The following OTOF variants were observed in gnomAD, a reference collection of about 807,000 sequenced individuals.
OTOF encodes fer-1-like family member 2.
Under a neutral mutation model 236.8 loss-of-function variants are expected in OTOF, and 218 were observed. The ratio of observed to expected loss-of-function variants is 0.92; its 90% CI spans 0.82 to 1.03. The LOEUF is 1.03. Ranked by LOEUF, OTOF falls within the 50% of genes least tolerant of loss-of-function variation. The pLI, the probability that OTOF is intolerant of heterozygous loss-of-function variation, is 0.00. For missense variants in OTOF, 2,590 were observed against 2,694.4 expected (o/e 0.96, Z 0.86); for synonymous variants, 1,041 against 1,072.5 (o/e 0.97, Z 0.57).
At chr2:26,472,110 T>C (rs960661730) in intron 30 of OTOF, among the ~76,000 whole-genome samples, 1 of 149,724 alleles carries the variant, frequency 6.7e-6, no homozygotes, top group African/African-American at 2.5e-5. Context: ...TGCATGCACA[T>C]GTGCACACCA....
At chr2:26,490,075 C>T (rs957774648) in intron 9 of OTOF, among the ~76,000 whole-genome samples, 1 of 152,210 alleles carries the variant, frequency 6.6e-6, no homozygotes, top group Admixed American at 6.5e-5. Context: ...TTCTAGTCCC[C>T]GCTCTGCACC....
intron 14 of OTOF, 77 bp from the exon 15 acceptor site, chr2:26,481,086 T>A (rs1665530221): frequency 9.7e-7 from 1 of 1,028,662 alleles, no homozygotes; most frequent in African/African-American, 1.6e-5. Context: ...CTTTTGGGGG[T>A]CCCTGGCCTC....
chr2:26,515,028 G>GA (rs917218976), intron 5 of OTOF, among the ~76,000 whole-genome samples: 4 of 152,340 alleles, frequency 2.6e-5, no homozygotes, highest in Admixed American at 6.5e-5. Flanking sequence ...TGTGCTACAA[G>GA]AAACCTGTTT....
rs1056216385 is a variant in OTOF at position 26,472,542 on chromosome 2, C to A, written c.3841G>T (p.Glu1281Ter). The A allele has an allele frequency of 1.2e-6, 2 of 1,613,584 alleles. No individual in the cohort carries two copies. The highest frequency in any genetic ancestry group is 1.7e-6 in the Non-Finnish European group (2 of 1,180,042). Residue 1281 changes from glutamate (E) to a stop codon, truncating the protein, a stop_gained, in exon 30 of 47, where the codon GAG (glutamate) becomes TAG (stop). Transcript: ENST00000272371. LOFTEE classifies it high-confidence loss of function. ...ACCGCGTCCAGCTTCACCATGGTCT[C>A]CAGTTTCTTGATGGGTACCTCTGGC... is the stretch of plus-strand genomic sequence containing the variant. Reference protein sequence around the residue: ...MEPEVPIKKLETMVKLDATSE... With the variant: ...MEPEVPIKKL
intron 1 of OTOF, among the ~76,000 whole-genome samples, chr2:26,543,789 T>G (rs1302230352): frequency 1.3e-5 from 2 of 152,248 alleles, no homozygotes; most frequent in Non-Finnish European, 2.9e-5. Flanking sequence ...TAATCTCCGC[T>G]CACTGCAACC....
At chr2:26,496,382 A>G (rs1171731102) in intron 8 of OTOF, among the ~76,000 whole-genome samples, 1 of 151,276 alleles carries the variant, frequency 6.6e-6, no homozygotes. Context: ...TTACAAGCAT[A>G]TGCCACCCCG....
chr2:26,466,842 A>C lies in OTOF; in HGVS notation c.4372T>G (p.Cys1458Gly). Residue 1458 changes from cysteine to glycine, a missense_variant, in exon 36 of 47, where the codon TGC becomes GGC. This residue lies in a region of OTOF where 1,211 missense variants were observed against 1,352.8 expected (regional missense o/e 0.90). Coordinates refer to ENST00000272371, the MANE Select transcript of OTOF (RefSeq NM_194248.3). ...RIVGRFKGSL[C>G]VYKVPLPEDV... ...TCTGGGAGTGGCACTTTGTACACGCAGAGGGAGCCCTGGGCAAGACAAATG... is the reference window on the plus strand; with the variant it reads ...TCTGGGAGTGGCACTTTGTACACGCCGAGGGAGCCCTGGGCAAGACAAATG... 1 of 1,614,182 alleles carries C rather than the reference A, an allele frequency of 6.2e-7. No individual in the cohort carries two copies. The highest frequency in any genetic ancestry group is 8.5e-7 in the Non-Finnish European group (1 of 1,180,026).
chr2:26,494,277 G>C (rs1177500717), intron 9 of OTOF, among the ~76,000 whole-genome samples: 1 of 152,254 alleles, frequency 6.6e-6, no homozygotes, highest in Non-Finnish European at 1.5e-5. Context: ...TGGCTGGAAA[G>C]AATAGGAGTG....
At chr2:26,467,901 A>G (rs937351775) in intron 33 of OTOF, among the ~76,000 whole-genome samples, 2 of 152,234 alleles carry the variant, frequency 1.3e-5, no homozygotes, top group Non-Finnish European at 2.9e-5. Context: ...TGCTGCTGGC[A>G]TGCTTTAGAA....
chr2:26,501,809 C>T lies in OTOF; in HGVS notation c.711-1G>A. ...CTCCATCTTAATGTCTGGCTTAGAT[C>T]TGAGGAAGAGAATGTACCATCAGGC... On this transcript the variant is annotated splice_acceptor_variant, in intron 7 of 46. Coordinates refer to ENST00000272371, the MANE Select transcript of OTOF (RefSeq NM_194248.3). LOFTEE classifies it high-confidence loss of function. 6.2e-7 allele frequency: 1 copy of T among 1,612,958 alleles called. No homozygotes were observed. Among genetic ancestry groups the T allele is most frequent in the Non-Finnish European group, 8.5e-7 (1 of 1,178,958 alleles).
At chr2:26,555,778 A>G (rs926870982) in intron 1 of OTOF, among the ~76,000 whole-genome samples, 1 of 152,108 alleles carries the variant, frequency 6.6e-6, no homozygotes, top group Non-Finnish European at 1.5e-5. Flanking sequence ...GTCTGGAGAG[A>G]AGATACCTCA....
Position 26,558,367 on chromosome 2 carries a change from G to A in OTOF, c.79+126C>T, listed in dbSNP as rs533444240. ...ATGACTACCTGTGAAAAGGCTCGTC[G>A]CCCCAGCCCCTGCTAGAACTTTTCC... is the stretch of plus-strand genomic sequence containing the variant. On this transcript the variant is annotated intron_variant, in intron 1 of 46. Coordinates refer to ENST00000272371, the MANE Select transcript of OTOF (RefSeq NM_194248.3). 1.8e-4 allele frequency: 146 copies of A among 814,830 alleles called. No individual in the cohort carries two copies. The South Asian group carries it at 1.9e-3, about 11-fold the overall frequency. 50.5% of individuals were successfully genotyped at this position (814,830 alleles called of 1,614,324 possible). A position where few individuals can be genotyped will look rare whatever the true frequency, so the allele number is the denominator to read the frequency against.
chr2:26,475,840 G>C (rs1488381508), intron 24 of OTOF, 74 bp downstream of exon 24: 2 of 1,533,774 alleles, frequency 1.3e-6, no homozygotes, highest in Non-Finnish European at 8.8e-7. Flanking sequence ...GGCCCCACAG[G>C]CTCCAGTCCC....
At chr2:26,466,103 G>A in intron 36 of OTOF, 27 bp from the exon 37 acceptor site, 1 of 1,614,000 alleles carries the variant, frequency 6.2e-7, no homozygotes, top group Non-Finnish European at 8.5e-7. Flanking sequence ...GGCTGCCTGA[G>A]CAGGCTCCCA....
At chr2:26,465,085 A>C in intron 38 of OTOF, 56 bp from the exon 39 acceptor site, 1 of 1,395,944 alleles carries the variant, frequency 7.2e-7, no homozygotes, top group Non-Finnish European at 9.5e-7. Flanking sequence ...GCCATCCTGG[A>C]TGACAGCTGG....
chr2:26,542,442 C>T (rs10166013), intron 1 of OTOF, among the ~76,000 whole-genome samples: 152,059 of 152,308 alleles, frequency 1, 75,906 homozygotes, highest in Middle Eastern at 1. Context: ...GCCGATGATA[C>T]AAGGCAGAAT....
chr2:26,473,289 G>A lies in OTOF; in HGVS notation c.3576C>T (p.Leu1192=), dbSNP rs1215615273. 6.2e-7 allele frequency: 1 copy of A among 1,613,156 alleles called. No homozygotes were observed. The highest frequency in any genetic ancestry group is 1.3e-5 in the African/African-American group (1 of 74,910). Residue 1192 remains leucine, a synonymous_variant, in exon 29 of 47, where the codon CTC becomes CTT. Transcript: ENST00000272371. The surrounding 1 kb of genome is among the most constrained non-coding windows in gnomAD (Gnocchi z 7.2). ...GCGGGTGCAGCAGCTCGTTCTCTGGGAGGTCCTGGGGTGTTGGCGACAGGA... is the reference window on the plus strand; with the variant it reads ...GCGGGTGCAGCAGCTCGTTCTCTGGAAGGTCCTGGGGTGTTGGCGACAGGA... ...NTLVKWFEVD[L]PENELLHPPL...
chr2:26,558,445 G>T, intron 1 of OTOF, 48 bp downstream of exon 1: 1 of 1,522,498 alleles, frequency 6.6e-7, no homozygotes, highest in South Asian at 1.1e-5. Flanking sequence ...AGCATGGGCT[G>T]GTCCAGCTCT....
At chr2:26,502,758 T>G (rs544577942) in intron 6 of OTOF, among the ~76,000 whole-genome samples, 31 of 152,298 alleles carry the variant, frequency 2.0e-4, no homozygotes, top group Non-Finnish European at 3.1e-4. Context: ...TAGCTACCAT[T>G]TGTTGGGTGG....
Sources: allele counts gnomAD v4.1 joint callset (sites outside exome capture counted in the v4.1 genomes callset), GRCh38; gene constraint gnomAD v4.1.1; regional missense constraint gnomAD v4.1.1; non-coding constraint Gnocchi (gnomAD v3.1); transcripts MANE v1.5; gene names NCBI Gene and HGNC (gene_info 2026-07-23, HGNC 2026-07-21).